Variants in UBAC2 observed in about 807,000 individuals in gnomAD.
The protein encoded by UBAC2 is UBA domain containing 2.
Under a neutral mutation model 44.0 loss-of-function variants are expected in UBAC2, and 26 were observed. The observed-to-expected ratio is 0.59, with a 90% CI of 0.43 to 0.82. UBAC2 has a LOEUF of 0.82. UBAC2 is among the 40% of genes least tolerant of loss of function. UBAC2 has a pLI of 0.00. For missense variants in UBAC2, 329 were observed against 419.4 expected, an observed-to-expected ratio of 0.78 and a Z score of 1.88; for synonymous variants, 155 against 154.3, an observed-to-expected ratio of 1.00 and a Z score of -0.04.
rs35193753 is a variant in UBAC2, at chr13:99,368,688, AGTGTGTGT to A, written c.927+813_927+820del. Among the ~76,000 whole-genome samples, 934 of 146,678 alleles carry A rather than the reference AGTGTGTGT, an allele frequency of 6.4e-3. 12 individuals carry two copies. The highest frequency in any genetic ancestry group is 0.02 in the African/African-American group (796 of 39,426). ...CACTATCATCGTAAACTCATGAGAG[AGTGTGTGT>A]GTGTGTGTGTGTGTGTGTGTGTGTG... On this transcript the variant is annotated intron_variant, in intron 8 of 8. Coordinates refer to ENST00000403766, the MANE Select transcript of UBAC2 (RefSeq NM_001144072.2).
At chr13:99,338,034 T>A (rs1332264557) in intron 6 of UBAC2, among the ~76,000 whole-genome samples, 2 of 42,972 alleles carry the variant, frequency 4.7e-5, no homozygotes, top group African/African-American at 6.2e-5. Flanking sequence ...CTCCTAACTT[T>A]TTTTCTTTTT....
intron 2 of UBAC2, among the ~76,000 whole-genome samples, chr13:99,243,233 C>CTTTTTTTTT (rs773750160): frequency 2.1e-5 from 2 of 94,254 alleles, no homozygotes; most frequent in African/African-American, 4.2e-5. Context: ...TTGAGTAGCT[C>CTTTTTTTTT]TTTTTTTTTT....
rs111697314 is a variant in UBAC2, at chr13:99,238,836, A to G, written c.159+282A>G. Among the ~76,000 whole-genome samples the G allele has an allele frequency of 7.5e-3, 1,138 of 152,334 alleles. 10 individuals are homozygous for G. Among genetic ancestry groups the G allele is most frequent in the South Asian group, 0.058 (279 of 4,830 alleles). On this transcript the variant is annotated intron_variant, in intron 2 of 8. Transcript: ENST00000403766. ...TATAACTTCAAGGGAATTAAAAACAATGTTTAATCTTTTTTTAATGCCCAG... is the reference window on the plus strand; with the variant it reads ...TATAACTTCAAGGGAATTAAAAACAGTGTTTAATCTTTTTTTAATGCCCAG...
At chr13:99,223,454 G>GT (rs1412964839) in intron 1 of UBAC2, among the ~76,000 whole-genome samples, 1 of 136,840 alleles carries the variant, frequency 7.3e-6, no homozygotes, top group Non-Finnish European at 1.6e-5. Context: ...ATTATAGTTT[G>GT]TTTTTTCCAT....
intron 4 of UBAC2, among the ~76,000 whole-genome samples, chr13:99,292,076 A>G (rs1387678361): frequency 6.6e-6 from 1 of 151,846 alleles, no homozygotes; most frequent in Non-Finnish European, 1.5e-5. Flanking sequence ...CAGGGGCCAC[A>G]TGATTGAGTT....
At chr13:99,358,400 A>G (rs1298426535) in intron 7 of UBAC2, among the ~76,000 whole-genome samples, 1 of 152,250 alleles carries the variant, frequency 6.6e-6, no homozygotes, top group Non-Finnish European at 1.5e-5. Context: ...GCAGAAGCAG[A>G]TGGGAGAATC....
In UBAC2 at chr13:99,202,366, T is replaced by G. The variant is rs1323181583; in HGVS notation, c.31+1427T>G. Among the ~76,000 whole-genome samples the G allele has an allele frequency of 2.0e-5, 3 of 152,218 alleles. No homozygotes were observed. The East Asian group carries it at 5.8e-4, about 29-fold the overall frequency. ...AGATAAAGAGCATTAGGACTGTAGC[T>G]GAAGCTGACAGTTCAAGAAGGCAAT... On this transcript the variant is annotated intron_variant, in intron 1 of 8. Transcript: ENST00000403766.
At chr13:99,348,415 G>C (rs577238473) in intron 7 of UBAC2, among the ~76,000 whole-genome samples, 1 of 152,334 alleles carries the variant, frequency 6.6e-6, no homozygotes, top group Admixed American at 6.5e-5. Context: ...CTTGAGGCCA[G>C]CATTGGGGCA....
chr13:99,374,275 G>C (rs1044030857), intron 8 of UBAC2, among the ~76,000 whole-genome samples: 2 of 152,092 alleles, frequency 1.3e-5, no homozygotes, highest in Non-Finnish European at 2.9e-5. Flanking sequence ...GACTTGTGTA[G>C]TCTGGGATCT....
chr13:99,320,406 G>A (rs2091450539), intron 6 of UBAC2, among the ~76,000 whole-genome samples: 1 of 152,134 alleles, frequency 6.6e-6, no homozygotes, highest in Admixed American at 6.5e-5. Flanking sequence ...ATTACAGTGT[G>A]TTTGGAATAT....
intron 7 of UBAC2, among the ~76,000 whole-genome samples, chr13:99,356,647 C>G (rs2045188518): frequency 6.6e-6 from 1 of 152,096 alleles, no homozygotes; most frequent in Non-Finnish European, 1.5e-5. Flanking sequence ...TTTCCAATAC[C>G]TACTGAGACT....
intron 7 of UBAC2, among the ~76,000 whole-genome samples, chr13:99,361,767 C>G (rs1419525023): frequency 1.3e-5 from 2 of 152,164 alleles, no homozygotes; most frequent in Non-Finnish European, 2.9e-5. Flanking sequence ...AAACTGTGAG[C>G]AGACATTGCC....
intron 7 of UBAC2, among the ~76,000 whole-genome samples, chr13:99,359,841 T>A (rs963362483): frequency 6.6e-6 from 1 of 152,166 alleles, no homozygotes; most frequent in African/African-American, 2.4e-5. Flanking sequence ...GCCTACCCCA[T>A]GGTCTCCCCC....
At chr13:99,282,550 G>A (rs1048070275) in intron 4 of UBAC2, among the ~76,000 whole-genome samples, 1 of 152,112 alleles carries the variant, frequency 6.6e-6, no homozygotes, top group African/African-American at 2.4e-5. Context: ...CAGTCTAATA[G>A]GAAATATGTT....
intron 4 of UBAC2, among the ~76,000 whole-genome samples, chr13:99,301,886 A>C (rs1345083797): frequency 6.6e-6 from 1 of 152,206 alleles, no homozygotes; most frequent in African/African-American, 2.4e-5. Flanking sequence ...TTTTGCTGAA[A>C]TGTCACCTTT....
At chr13:99,217,858 C>G (rs752820) in intron 1 of UBAC2, among the ~76,000 whole-genome samples, 2 of 152,100 alleles carry the variant, frequency 1.3e-5, no homozygotes, top group Non-Finnish European at 2.9e-5. Flanking sequence ...CAGCGTCCAC[C>G]GAGCTCGTGC....
In UBAC2 at chr13:99,366,926, G is replaced by A. The variant is rs182054041; in HGVS notation, c.808-861G>A. ...TATTTATCTATTAATAGCATTTTTA[G>A]GTGTTTGTAGTAGGAAGAGTTTCAG... is the stretch of plus-strand genomic sequence containing the variant. On this transcript the variant is annotated intron_variant, in intron 7 of 8. Coordinates refer to ENST00000403766, the MANE Select transcript of UBAC2 (RefSeq NM_001144072.2). Among the ~76,000 whole-genome samples, 419 of 152,238 alleles carry A rather than the reference G, an allele frequency of 2.8e-3. 5 individuals are homozygous for A. The highest frequency in any genetic ancestry group is 9.9e-3 in the African/African-American group (411 of 41,542).
intron 7 of UBAC2, among the ~76,000 whole-genome samples, chr13:99,358,360 A>G (rs1355945263): frequency 1.3e-5 from 2 of 152,202 alleles, no homozygotes; most frequent in Admixed American, 6.5e-5. Flanking sequence ...CATGTACTTC[A>G]AAAACCAGAG....
At chr13:99,318,806 A>G (rs1370919414) in intron 6 of UBAC2, among the ~76,000 whole-genome samples, 1 of 123,550 alleles carries the variant, frequency 8.1e-6, no homozygotes, top group Admixed American at 9.6e-5. Context: ...TGGGCGACAG[A>G]GTGAGACTCC....
Sources: allele counts gnomAD v4.1 joint callset (sites outside exome capture counted in the v4.1 genomes callset), GRCh38; gene constraint gnomAD v4.1.1; transcripts MANE v1.5; gene names NCBI Gene and HGNC (gene_info 2026-07-23, HGNC 2026-07-21).